Variants in PRKG2 observed in about 807,000 individuals in gnomAD.
PRKG2 encodes protein kinase cGMP-dependent 2.
Under a neutral mutation model 97.2 loss-of-function variants are expected in PRKG2, and 33 were observed. The ratio of observed to expected loss-of-function variants is 0.34; its 90% CI spans 0.26 to 0.45. PRKG2 has a LOEUF of 0.45. Ranked by LOEUF, PRKG2 falls within the 20% of genes least tolerant of loss-of-function variation. The pLI, the probability that PRKG2 is intolerant of heterozygous loss-of-function variation, is 1.00. For missense variants in PRKG2, 638 were observed against 900.0 expected, an observed-to-expected ratio of 0.71 and a Z score of 3.73; for synonymous variants, 330 against 321.8, an observed-to-expected ratio of 1.03 and a Z score of -0.27.
chr4:81,188,173 C>T (rs1752065345), intron 2 of PRKG2, among the ~76,000 whole-genome samples: 1 of 151,730 alleles, frequency 6.6e-6, no homozygotes, highest in African/African-American at 2.4e-5. Context: ...AACAAATTTA[C>T]AAGAAAAAAA....
chr4:81,117,974 CCT>C (rs1435846940), intron 14 of PRKG2, among the ~76,000 whole-genome samples: 1 of 152,128 alleles, frequency 6.6e-6, no homozygotes, highest in Non-Finnish European at 1.5e-5. Flanking sequence ...CCCTAAAAAT[CCT>C]CTGTGTCCTG....
chr4:81,203,243 T>G lies in PRKG2; in HGVS notation c.461+1344A>C, dbSNP rs1753427870. On this transcript the variant is annotated intron_variant, in intron 2 of 18. Transcript: ENST00000264399. The stretch of plus-strand genomic sequence containing the variant: ...TTTTGAAAGGAAATAGATGAGAAAT[T>G]TTTAGACTAATAAAAATTTTGACTT... Among the ~76,000 whole-genome samples, 3 of 152,066 alleles carry G rather than the reference T, an allele frequency of 2.0e-5. No individual in the cohort carries two copies. The South Asian group carries it at 6.2e-4, about 32-fold the overall frequency.
chr4:81,197,049 G>A (rs1753004357), intron 2 of PRKG2, among the ~76,000 whole-genome samples: 1 of 152,172 alleles, frequency 6.6e-6, no homozygotes, highest in Admixed American at 6.5e-5. Context: ...GAGGCGACAG[G>A]AGCTGAGCTG....
chr4:81,142,158 C>G (rs892604181), intron 11 of PRKG2, among the ~76,000 whole-genome samples: 3 of 152,216 alleles, frequency 2.0e-5, no homozygotes, highest in African/African-American at 7.2e-5. Flanking sequence ...TCCTTGGAAG[C>G]TGATAGCTCA....
At chr4:81,217,097 C>A (rs1466284379), upstream of PRKG2, among the ~76,000 whole-genome samples, 7 of 146,858 alleles carry the variant, frequency 4.8e-5, no homozygotes, top group Non-Finnish European at 8.9e-5. Context: ...AATCCAATCA[C>A]CCCTTAATGG....
chr4:81,124,491 G>A (rs1745365534), intron 14 of PRKG2, among the ~76,000 whole-genome samples: 1 of 152,194 alleles, frequency 6.6e-6, no homozygotes, highest in Non-Finnish European at 1.5e-5. Context: ...TGACTTTCAA[G>A]AGCAGGTCTT....
rs777126608 is a variant in PRKG2, at chr4:81,135,148, G to A, written c.1776+7C>T. The A allele has an allele frequency of 6.3e-7, 1 of 1,598,830 alleles. No individual in the cohort carries two copies. Among genetic ancestry groups the A allele is most frequent in the Admixed American group, 1.7e-5 (1 of 58,240 alleles). ...TATGAGACTGTAAGTGAGAAAAGTT[G>A]TCTTACCAATTTAAGGTAACCCTCA... On this transcript the variant is annotated splice_region_variant and intron_variant, in intron 14 of 18. Transcript: ENST00000264399.
intron 2 of PRKG2, among the ~76,000 whole-genome samples, chr4:81,190,110 G>A (rs919013112): frequency 5.9e-5 from 9 of 152,040 alleles, no homozygotes; most frequent in African/African-American, 1.9e-4. Flanking sequence ...AAAAGAGCCG[G>A]GATAGCCAAG....
chr4:81,104,901 A>G (rs1743176920), intron 16 of PRKG2, among the ~76,000 whole-genome samples: 2 of 152,300 alleles, frequency 1.3e-5, no homozygotes, highest in African/African-American at 4.8e-5. Context: ...TTTTAAACAA[A>G]AAAAATCCAG....
intron 9 of PRKG2, among the ~76,000 whole-genome samples, chr4:81,147,115 T>A (rs1747928209): frequency 6.6e-6 from 1 of 152,216 alleles, no homozygotes; most frequent in African/African-American, 2.4e-5. Flanking sequence ...CTAAACATTT[T>A]AAAATTATAA....
chr4:81,102,059 C>T (rs138233344), intron 17 of PRKG2, among the ~76,000 whole-genome samples: 255 of 152,228 alleles, frequency 1.7e-3, no homozygotes, highest in African/African-American at 6.1e-3. Context: ...CCGAAGACAC[C>T]GTAAATTTGG....
chr4:81,146,127 A>C (rs1747836263), intron 9 of PRKG2, among the ~76,000 whole-genome samples: 1 of 152,002 alleles, frequency 6.6e-6, no homozygotes, highest in African/African-American at 2.4e-5. Context: ...AAAAGGAAAC[A>C]CTCTTACTTT....
At chr4:81,130,540 C>A (rs1028529230) in intron 14 of PRKG2, among the ~76,000 whole-genome samples, 1 of 152,174 alleles carries the variant, frequency 6.6e-6, no homozygotes, top group African/African-American at 2.4e-5. Flanking sequence ...CCCCTCCTCT[C>A]TTCAGAGCTG....
chr4:81,104,029 A>G (rs943315640), intron 17 of PRKG2, among the ~76,000 whole-genome samples: 1 of 149,906 alleles, frequency 6.7e-6, no homozygotes, highest in African/African-American at 2.5e-5. Context: ...AGACTCTGTC[A>G]TAAGAAAAAC....
chr4:81,134,206 C>A (rs1166500268), intron 14 of PRKG2, among the ~76,000 whole-genome samples: 1 of 151,924 alleles, frequency 6.6e-6, no homozygotes, highest in African/African-American at 2.4e-5. Flanking sequence ...ATTCATGTGG[C>A]TGAATTATAC....
intron 1 of PRKG2, among the ~76,000 whole-genome samples, chr4:81,210,725 A>C (rs896963961): frequency 1.4e-4 from 22 of 152,178 alleles, no homozygotes; most frequent in African/African-American, 5.3e-4. Flanking sequence ...GATATGAGAC[A>C]TATGTTTTCA....
chr4:81,133,867 T>A (rs551407205), intron 14 of PRKG2, among the ~76,000 whole-genome samples: 12 of 152,076 alleles, frequency 7.9e-5, no homozygotes, highest in Admixed American at 6.6e-4. Context: ...TAAAAATAGC[T>A]TTTTAAGAAA....
At chr4:81,097,455 A>G (rs1264724485) in intron 17 of PRKG2, among the ~76,000 whole-genome samples, 1 of 152,210 alleles carries the variant, frequency 6.6e-6, no homozygotes, top group African/African-American at 2.4e-5. Flanking sequence ...TAAGGGCCTT[A>G]GGATTTTTAG....
intron 1 of PRKG2, among the ~76,000 whole-genome samples, chr4:81,205,306 C>T (rs1753589847): frequency 6.6e-6 from 1 of 151,954 alleles, no homozygotes; most frequent in Admixed American, 6.6e-5. Context: ...GCATAAGTAT[C>T]ACACCTAACA....
Sources: gnomAD v4.1 joint callset for allele counts (sites outside exome capture counted in the v4.1 genomes callset) on GRCh38, gnomAD v4.1.1 for gene constraint, MANE v1.5 for transcripts, NCBI Gene and HGNC (gene_info 2026-07-23, HGNC 2026-07-21) for gene names.